EXT1: variants seen among roughly 807,000 people sequenced by gnomAD.
The protein encoded by EXT1 is exostosin-1.
In EXT1, 20 loss-of-function variants were observed where a neutral mutation model predicts 82.5. That is an observed-to-expected ratio of 0.24 (90% CI 0.17 to 0.35). The LOEUF (loss-of-function observed/expected upper bound fraction) is 0.35, where lower values mean the gene tolerates loss of function less well. Ranked by LOEUF, EXT1 falls within the 10% of genes least tolerant of loss-of-function variation. The pLI is 1.00. For missense variants in EXT1, 757 were observed against 936.5 expected, an observed-to-expected ratio of 0.81 and a Z score of 2.50; for synonymous variants, 348 against 350.8, an observed-to-expected ratio of 0.99 and a Z score of 0.09.
At chr8:117,923,413 A>C (rs1371185079) in intron 1 of EXT1, among the ~76,000 whole-genome samples, 1 of 150,874 alleles carries the variant, frequency 6.6e-6, no homozygotes, top group Non-Finnish European at 1.5e-5. Context: ...AATTCTCAGC[A>C]TGTTTACTTG....
At chr8:117,939,487 T>C (rs1405842602) in intron 1 of EXT1, among the ~76,000 whole-genome samples, 3 of 149,436 alleles carry the variant, frequency 2.0e-5, no homozygotes, top group Non-Finnish European at 4.4e-5. Flanking sequence ...GAGAATCACT[T>C]GAACCCGGGA....
rs1462036036 is a variant in EXT1, at chr8:118,111,696, G to A, written c.-650C>T. The stretch of plus-strand genomic sequence containing the variant: ...CCCGGGACGCGCGGCGGCCCGGCTG[G>A]AGGCGGCGGCGGCGGCGGCGCTGGG... On this transcript the variant is annotated 5_prime_UTR_variant, in exon 1 of 11. Coordinates refer to ENST00000378204, the MANE Select transcript of EXT1 (RefSeq NM_000127.3). The A allele has an allele frequency of 4.4e-5, 9 of 204,998 alleles. No individual in the cohort carries two copies. The Admixed American group carries it at 4.9e-4, about 11-fold the overall frequency. 12.7% of individuals were successfully genotyped at this position (204,998 alleles called of 1,614,324 possible). A position where few individuals can be genotyped will look rare whatever the true frequency, so the allele number is the denominator to read the frequency against.
At chr8:117,962,541 C>T (rs745521926) in intron 1 of EXT1, among the ~76,000 whole-genome samples, 9 of 152,140 alleles carry the variant, frequency 5.9e-5, no homozygotes, top group Non-Finnish European at 1.3e-4. Context: ...CACTTGAGGT[C>T]AGGAGTTCGA....
At chr8:117,847,506 A>G (rs528160658) in intron 1 of EXT1, among the ~76,000 whole-genome samples, 82 of 152,324 alleles carry the variant, frequency 5.4e-4, no homozygotes, top group African/African-American at 1.9e-3. Flanking sequence ...TTATTTGTAA[A>G]TCAAGTTAAA....
At chr8:118,061,514 AT>A (rs1396787778) in intron 1 of EXT1, among the ~76,000 whole-genome samples, 1 of 152,218 alleles carries the variant, frequency 6.6e-6, no homozygotes, top group East Asian at 1.9e-4. Flanking sequence ...TCCTAAAACC[AT>A]TTCATAACCC....
chr8:117,989,026 G>A (rs1815379819), intron 1 of EXT1, among the ~76,000 whole-genome samples: 1 of 134,070 alleles, frequency 7.5e-6, no homozygotes, highest in South Asian at 2.4e-4. Context: ...AGGAGTTTGA[G>A]ACCAGCCTGG....
chr8:118,104,815 C>T (rs1817779900), intron 1 of EXT1, among the ~76,000 whole-genome samples: 1 of 152,198 alleles, frequency 6.6e-6, no homozygotes. Context: ...TTATTAACCT[C>T]ATGGAAACAT....
rs112043289 is a variant in EXT1, at chr8:118,073,584, C to A, written c.962+36501G>T. Among the ~76,000 whole-genome samples, 368 of 151,518 alleles carry A rather than the reference C, an allele frequency of 2.4e-3. 4 individuals are homozygous for A. In the South Asian group the frequency reaches 0.029, roughly 12 times the overall value. ...TGCGGTAGCTGAGATCATGCCACTG[C>A]ACTCCAGCCTGGGCTACAGAGAGAG... On this transcript the variant is annotated intron_variant, in intron 1 of 10. Transcript: ENST00000378204.
At chr8:117,854,989 T>C (rs1020927116) in intron 1 of EXT1, among the ~76,000 whole-genome samples, 3 of 152,214 alleles carry the variant, frequency 2.0e-5, no homozygotes, top group African/African-American at 7.2e-5. Context: ...CAATGAGTAA[T>C]TCAAATAATG....
Position 118,111,320 on chromosome 8 carries a change from A to G in EXT1, c.-274T>C. The G allele has an allele frequency of 3.3e-6, 2 of 602,012 alleles. No individual in the cohort carries two copies. The highest frequency in any genetic ancestry group is 2.0e-5 in the South Asian group (1 of 49,514). The allele number at this position is 602,012 out of a possible 1,614,324, so 37.3% of individuals were successfully genotyped here. A position where few individuals can be genotyped will look rare whatever the true frequency, so the allele number is the denominator to read the frequency against. ...TATCTCGCACCCAGGGCGGGCGAGC[A>G]GCGGACTGTAATTTTCTTGCATGCA... is the stretch of plus-strand genomic sequence containing the variant. On this transcript the variant is annotated 5_prime_UTR_variant, in exon 1 of 11. Coordinates refer to ENST00000378204, the MANE Select transcript of EXT1 (RefSeq NM_000127.3).
intron 1 of EXT1, among the ~76,000 whole-genome samples, chr8:118,016,904 C>G (rs1014805400): frequency 1.2e-4 from 18 of 152,172 alleles, no homozygotes; most frequent in African/African-American, 4.3e-4. Flanking sequence ...TGGTGACATT[C>G]GATTTCTTGA....
chr8:118,005,856 T>C (rs1815764612), intron 1 of EXT1, among the ~76,000 whole-genome samples: 1 of 152,220 alleles, frequency 6.6e-6, no homozygotes, highest in Non-Finnish European at 1.5e-5. Context: ...CTTTACAAAT[T>C]TGGCCACCAA....
At chr8:118,109,438 AATGAATGC>A (rs1254641747) in intron 1 of EXT1, among the ~76,000 whole-genome samples, 7 of 114,798 alleles carry the variant, frequency 6.1e-5, no homozygotes, top group Admixed American at 2.7e-4. Context: ...TGAATGAATG[AATGAATGC>A]ATGCATGCAT....
intron 1 of EXT1, among the ~76,000 whole-genome samples, chr8:117,858,849 GAAA>G (rs1563582279): frequency 0.011 from 806 of 73,848 alleles, 18 homozygotes; most frequent in East Asian, 0.022. Context: ...AGGAAGGAAA[GAAA>G]GAAAGAAAGA....
chr8:118,080,693 G>C (rs1490408908), intron 1 of EXT1, among the ~76,000 whole-genome samples: 2 of 152,148 alleles, frequency 1.3e-5, no homozygotes, highest in Admixed American at 6.5e-5. Context: ...GCCACCGAAA[G>C]AACCTGAGCA....
Position 117,813,352 on chromosome 8 carries a change from C to T in EXT1, c.1633-391G>A, listed in dbSNP as rs535792128. ...GCAGGTGAAGGCCTCATAGAAGTGA[C>T]ATTTAAGCAGGACCCTGATGGGCAG... On this transcript the variant is annotated intron_variant, in intron 7 of 10. Transcript: ENST00000378204. Among the ~76,000 whole-genome samples, 5 of 145,110 alleles carry T rather than the reference C, an allele frequency of 3.4e-5. No individual in the cohort carries two copies. The East Asian group carries it at 1.0e-3, about 29-fold the overall frequency.
At chr8:117,955,831 A>G (rs371332317) in intron 1 of EXT1, among the ~76,000 whole-genome samples, 12 of 152,318 alleles carry the variant, frequency 7.9e-5, no homozygotes, top group African/African-American at 2.9e-4. Context: ...TTCTGTGATT[A>G]CAGGTGCAGG....
intron 3 of EXT1, among the ~76,000 whole-genome samples, chr8:117,830,907 T>G (rs1303617570): frequency 6.6e-6 from 1 of 152,224 alleles, no homozygotes; most frequent in Non-Finnish European, 1.5e-5. Flanking sequence ...TCTCTCTTTC[T>G]GCCTTCAGCC....
At chr8:117,969,954 A>G (rs1814905030) in intron 1 of EXT1, among the ~76,000 whole-genome samples, 1 of 152,238 alleles carries the variant, frequency 6.6e-6, no homozygotes, top group African/African-American at 2.4e-5. Flanking sequence ...AGAAGCAGCC[A>G]GCTATGGACC....
Sources: gnomAD v4.1 joint callset for allele counts (sites outside exome capture counted in the v4.1 genomes callset) on GRCh38, gnomAD v4.1.1 for gene constraint, MANE v1.5 for transcripts, NCBI Gene and HGNC (gene_info 2026-07-23, HGNC 2026-07-21) for gene names.